The following TSBP1 variants were observed in gnomAD, a reference collection of about 807,000 sequenced individuals.
TSBP1 encodes the protein testis-expressed basic protein 1.
In TSBP1, 56 loss-of-function variants were observed where a neutral mutation model predicts 68.8. That is an observed-to-expected ratio of 0.81 (90% CI 0.66 to 1.02). The LOEUF is 1.02. Ranked by LOEUF, TSBP1 falls within the 50% of genes least tolerant of loss-of-function variation. TSBP1 has a pLI of 0.00. For synonymous variants in TSBP1, 171 were observed against 208.7 expected (o/e 0.82, Z 1.56); for missense variants, 502 against 641.2 (o/e 0.78, Z 2.34).
rs141123066 is a variant in TSBP1 at position 32,314,789 on chromosome 6, G to A, written c.580+983C>T. Among the ~76,000 whole-genome samples the A allele has an allele frequency of 4.2e-4, 64 of 152,322 alleles. No individual in the cohort carries two copies. Among genetic ancestry groups the A allele is most frequent in the African/African-American group, 1.5e-3 (61 of 41,576 alleles). On this transcript the variant is annotated intron_variant, in intron 19 of 22. Transcript: ENST00000612031. This position sits in a 1 kb window ranked among gnomAD's most constrained non-coding sequence, Gnocchi z 4.2. ...TGAAATCTGTTAGAATAACATAGATGTCTTTCATGTTTAAAAATTGGAAAA... is the reference window on the plus strand; with the variant it reads ...TGAAATCTGTTAGAATAACATAGATATCTTTCATGTTTAAAAATTGGAAAA...
At chr6:32,366,352 C>T (rs1426747265) in intron 4 of TSBP1, 50 bp from the exon 5 acceptor site, 2 of 1,509,760 alleles carry the variant, frequency 1.3e-6, no homozygotes, top group South Asian at 2.3e-5. Context: ...ACAAGTGAGT[C>T]TATATTATTT....
chr6:32,368,860 A>G (rs753354315), intron 2 of TSBP1, 46 bp from the exon 3 acceptor site: 24 of 1,569,250 alleles, frequency 1.5e-5, no homozygotes, highest in Non-Finnish European at 2.1e-5. Flanking sequence ...ACTTAGGAGA[A>G]GTGTTCTTCC....
chr6:32,366,794 A>G (rs1181276444), intron 4 of TSBP1, among the ~76,000 whole-genome samples: 1 of 139,508 alleles, frequency 7.2e-6, no homozygotes, highest in Non-Finnish European at 1.6e-5. Context: ...AAAGTTTATC[A>G]TTAGTCTCAA....
chr6:32,349,698 G>A, intron 9 of TSBP1, 42 bp downstream of exon 9: 1 of 1,203,742 alleles, frequency 8.3e-7, no homozygotes, highest in Middle Eastern at 1.9e-4. Context: ...GATTAAATGG[G>A]GCTAAATGTC....
At position 32,302,787 on chromosome 6, in the gene TSBP1, T is replaced by C. The variant is rs1765435903; in HGVS notation, c.581-158A>G. On this transcript the variant is annotated intron_variant, in intron 19 of 22. Transcript: ENST00000612031. This position sits in a 1 kb window ranked among gnomAD's most constrained non-coding sequence, Gnocchi z 5.1. ...TGATGAGACAACAGATCCCTTAGTG[T>C]GTTATAAGAACCTGACAGTTTTTAC... Among the ~76,000 whole-genome samples, 1 of 152,210 alleles carries C rather than the reference T, an allele frequency of 6.6e-6. No individual in the cohort carries two copies. Among genetic ancestry groups the C allele is most frequent in the South Asian group, 2.1e-4 (1 of 4,836 alleles).
At chr6:32,332,123 C>T (rs1029052618) in intron 14 of TSBP1, 69 bp from the exon 16 acceptor site, 2 of 1,216,888 alleles carry the variant, frequency 1.6e-6, no homozygotes, top group African/African-American at 3.0e-5. Context: ...TAATTTTATC[C>T]TAGAAGTGAG....
intron 22 of TSBP1, among the ~76,000 whole-genome samples, chr6:32,294,929 C>A (rs1031024765): frequency 6.6e-6 from 1 of 151,878 alleles, no homozygotes. Flanking sequence ...AATATCTGAG[C>A]CACCAAGGAA....
At chr6:32,347,224 C>T (rs752807996) in intron 9 of TSBP1, among the ~76,000 whole-genome samples, 2 of 148,116 alleles carry the variant, frequency 1.4e-5, no homozygotes, top group East Asian at 2.0e-4. Flanking sequence ...AGTGCAGTGG[C>T]GTAATCACAA....
intron 16 of TSBP1, chr6:32,324,501 A>C (rs1767997083): frequency 1.0e-6 from 1 of 956,192 alleles, no homozygotes; most frequent in African/African-American, 1.6e-5. Context: ...TTTCCAGTAC[A>C]TCATGAATAA....
chr6:32,314,451 T>C lies in TSBP1; in HGVS notation c.580+1321A>G, dbSNP rs1766740446. ...GCCTTGGTCTCTGTTCCCAATTATA[T>C]GGCCCATGTGCAAACATAGACATCT... On this transcript the variant is annotated intron_variant, in intron 19 of 22. Transcript: ENST00000612031. This position sits in a 1 kb window ranked among gnomAD's most constrained non-coding sequence, Gnocchi z 4.2. Among the ~76,000 whole-genome samples the C allele has an allele frequency of 6.6e-6, 1 of 152,230 alleles. No homozygotes were observed. Among genetic ancestry groups the C allele is most frequent in the African/African-American group, 2.4e-5 (1 of 41,472 alleles).
chr6:32,318,738 T>C (rs1256326403), intron 18 of TSBP1, among the ~76,000 whole-genome samples: 1 of 152,128 alleles, frequency 6.6e-6, no homozygotes, highest in Non-Finnish European at 1.5e-5. Flanking sequence ...TGCCTGGGGC[T>C]ATGGTGTGGA....
rs766215598 is a variant in TSBP1, at chr6:32,355,641, A to G, written c.238+8T>C. 6.3e-7 allele frequency: 1 copy of G among 1,590,882 alleles called. No homozygotes were observed. The highest frequency in any genetic ancestry group is 1.7e-5 in the Admixed American group (1 of 57,622). On this transcript the variant is annotated splice_region_variant and intron_variant, in intron 7 of 22. Coordinates refer to ENST00000612031, the Ensembl canonical transcript of TSBP1. ...CAAATTTTTGTTAAGAAGCAAGATA[A>G]TACTTACTGTAATCTCTTTTGGATC...
chr6:32,332,153 G>T, intron 14 of TSBP1, 99 bp from the exon 16 acceptor site: 1 of 836,680 alleles, frequency 1.2e-6, no homozygotes, highest in Non-Finnish European at 2.1e-6. Flanking sequence ...GGTAGAGCAG[G>T]GGAGAGGAAG....
In TSBP1 at chr6:32,337,614, C is replaced by G. The variant is rs1769825605; in HGVS notation, c.410-979G>C. Among the ~76,000 whole-genome samples, 1 of 152,132 alleles carries G rather than the reference C, an allele frequency of 6.6e-6. No individual in the cohort carries two copies. The highest frequency in any genetic ancestry group is 1.5e-5 in the Non-Finnish European group (1 of 68,022). On this transcript the variant is annotated intron_variant, in intron 11 of 22. Coordinates refer to ENST00000612031, the Ensembl canonical transcript of TSBP1. The surrounding 1 kb of genome is among the most constrained non-coding windows in gnomAD (Gnocchi z 5.5). ...AGTGTTGGGCAAAGGAATTGAGACA[C>G]TAGACCCACATACTTGTTAATAATG...
intron 16 of TSBP1, among the ~76,000 whole-genome samples, chr6:32,327,114 T>C (rs1252293167): frequency 6.6e-6 from 1 of 152,232 alleles, no homozygotes; most frequent in Non-Finnish European, 1.5e-5. Context: ...GGTATTCTCC[T>C]TTATTCATTC....
rs917446007 is a variant in TSBP1, at chr6:32,343,625, G to T, written c.350-3987C>A. Among the ~76,000 whole-genome samples, 1 of 152,014 alleles carries T rather than the reference G, an allele frequency of 6.6e-6. No individual in the cohort carries two copies. Among genetic ancestry groups the T allele is most frequent in the Admixed American group, 6.6e-5 (1 of 15,264 alleles). On this transcript the variant is annotated intron_variant, in intron 9 of 22. Coordinates refer to ENST00000612031, the Ensembl canonical transcript of TSBP1. This position sits in a 1 kb window ranked among gnomAD's most constrained non-coding sequence, Gnocchi z 4.3. ...ACCAAAGAAAGGCAATGTTACAAAG[G>T]TTCTAGTTTTATAAGAAAAGAAAAC...
intron 1 of TSBP1, among the ~76,000 whole-genome samples, chr6:32,370,248 C>T (rs913075725): frequency 6.6e-6 from 1 of 151,826 alleles, no homozygotes; most frequent in African/African-American, 2.4e-5. Flanking sequence ...GGAAATCTGA[C>T]AGATTTCCTC....
chr6:32,344,431 T>C (rs1431187629), intron 9 of TSBP1, among the ~76,000 whole-genome samples: 2 of 151,882 alleles, frequency 1.3e-5, no homozygotes, highest in African/African-American at 4.8e-5. Flanking sequence ...AAAGGCTGAC[T>C]TTCTAGAAAT....
chr6:32,319,060 C>T (rs1389125945), intron 18 of TSBP1, among the ~76,000 whole-genome samples: 2 of 152,058 alleles, frequency 1.3e-5, no homozygotes, highest in Non-Finnish European at 2.9e-5. Context: ...TTAATTAGTC[C>T]TAAATATCCC....
Sources: gnomAD v4.1 joint callset for allele counts (sites outside exome capture counted in the v4.1 genomes callset) on GRCh38, gnomAD v4.1.1 for gene constraint, Gnocchi (gnomAD v3.1) non-coding constraint, MANE v1.5 for transcripts, NCBI Gene and HGNC (gene_info 2026-07-23, HGNC 2026-07-21) for gene names.